Variants in FBXO27 observed in about 807,000 individuals in gnomAD.
FBXO27 encodes the protein F-box protein 27.
Under a neutral mutation model 28.3 loss-of-function variants are expected in FBXO27, and 28 were observed. The ratio of observed to expected loss-of-function variants is 0.99; its 90% CI spans 0.73 to 1.36. The LOEUF is 1.36. Among genes scored for constraint, FBXO27 ranks in the 40% most tolerant of loss-of-function variants. FBXO27 has a pLI of 0.00. For synonymous variants in FBXO27, 175 were observed against 167.3 expected (o/e 1.05, Z -0.36); for missense variants, 388 against 394.1 (o/e 0.98, Z 0.13).
At chr19:39,030,789 G>T in intron 4 of FBXO27, 3 of 531,436 alleles carry the variant, frequency 5.6e-6, no homozygotes, top group South Asian at 2.1e-5. Flanking sequence ...TGTATTTTTA[G>T]TAGAGACGAG....
At chr19:39,019,011 GTGA>G (rs1321344167) in intron 1 of FBXO27, among the ~76,000 whole-genome samples, 1 of 150,316 alleles carries the variant, frequency 6.7e-6, no homozygotes, top group Non-Finnish European at 1.5e-5. Context: ...AGAGGTTGCA[GTGA>G]GCCCAGATCA....
At chr19:39,015,851 G>A (rs1311480565) in intron 1 of FBXO27, among the ~76,000 whole-genome samples, 6 of 151,910 alleles carry the variant, frequency 3.9e-5, no homozygotes, top group East Asian at 1.9e-4. Context: ...CGGGTAGATC[G>A]TTTGAGGTGA....
chr19:39,022,698 C>G (rs548661927), downstream of FBXO27, among the ~76,000 whole-genome samples: 1 of 152,284 alleles, frequency 6.6e-6, no homozygotes, highest in African/African-American at 2.4e-5. Context: ...ATCACTGCAA[C>G]CTCTGCCTCC....
downstream of FBXO27, among the ~76,000 whole-genome samples, chr19:39,021,603 C>T (rs139552862): frequency 0.017 from 2,643 of 152,100 alleles, 29 homozygotes; most frequent in Non-Finnish European, 0.026. Context: ...ATGTTATCAG[C>T]GAGGCTTCTG....
At chr19:39,007,077 AAT>A (rs1325896596) in intron 2 of FBXO27, among the ~76,000 whole-genome samples, 11 of 147,136 alleles carry the variant, frequency 7.5e-5, no homozygotes, top group African/African-American at 2.6e-4. Context: ...AAAAAAAAAA[AAT>A]ACAGAAAAGT....
chr19:39,023,967 T>C (rs1023452131), downstream of FBXO27: 1 of 152,158 alleles, frequency 6.6e-6, no homozygotes, highest in Non-Finnish European at 1.5e-5. Flanking sequence ...GGACTACTTA[T>C]GATTCTCAAC....
chr19:39,005,921 G>A (rs1202330438), intron 2 of FBXO27, among the ~76,000 whole-genome samples: 2 of 152,236 alleles, frequency 1.3e-5, no homozygotes, highest in Non-Finnish European at 2.9e-5. Context: ...ACTTGACAGT[G>A]AAGGTTGGCT....
At chr19:39,005,846 T>G (rs1367201598) in intron 2 of FBXO27, among the ~76,000 whole-genome samples, 2 of 152,190 alleles carry the variant, frequency 1.3e-5, no homozygotes, top group African/African-American at 2.4e-5. Context: ...CAAAGGTTGA[T>G]GAAGAATGGG....
chr19:39,027,664 G>C (rs2072880681), intron 4 of FBXO27, among the ~76,000 whole-genome samples: 4 of 151,872 alleles, frequency 2.6e-5, no homozygotes. Context: ...GGTGGTTTTG[G>C]AAGTCCTCCA....
intron 2 of FBXO27, among the ~76,000 whole-genome samples, chr19:39,007,080 A>AAAAC (rs60009845): frequency 1.6e-4 from 22 of 138,648 alleles, no homozygotes; most frequent in African/African-American, 5.4e-4. Flanking sequence ...AAAAAAAAAT[A>AAAAC]CAGAAAAGTA....
rs955594122 is a variant in FBXO27 at position 39,016,696 on chromosome 19, G to A, written c.92-2149C>T. Among the ~76,000 whole-genome samples the A allele has an allele frequency of 9.9e-5, 15 of 151,278 alleles. No individual in the cohort carries two copies. In the East Asian group the frequency reaches 2.5e-3, roughly 25 times the overall value. Reference sequence around the variant, plus strand: ...GCTACTCAAGAAGCTGAGGTGGGAGGATTGCTTGAGTCTAGGAGGTCAAGG... The same window carrying A: ...GCTACTCAAGAAGCTGAGGTGGGAGAATTGCTTGAGTCTAGGAGGTCAAGG... On this transcript the variant is annotated intron_variant, in intron 1 of 2. Transcript: ENST00000598394.
downstream of FBXO27, among the ~76,000 whole-genome samples, chr19:39,019,410 G>A (rs1317789590): frequency 2.1e-5 from 2 of 95,878 alleles, no homozygotes; most frequent in African/African-American, 4.1e-5. Flanking sequence ...GGGCAACAGA[G>A]TGAGACTCTG....
chr19:39,031,740 C>T, intron 2 of FBXO27, 124 bp downstream of exon 2: 1 of 1,364,080 alleles, frequency 7.3e-7, no homozygotes, highest in South Asian at 1.7e-5. Flanking sequence ...CTCCTCCCAC[C>T]GGTCCCACTG....
chr19:39,010,618 C>T (rs1336501472), intron 2 of FBXO27, among the ~76,000 whole-genome samples: 2 of 152,198 alleles, frequency 1.3e-5, no homozygotes, highest in African/African-American at 2.4e-5. Flanking sequence ...CCGTTGCCAT[C>T]GCAACACCAG....
intron 1 of FBXO27, among the ~76,000 whole-genome samples, chr19:39,017,453 GGAGGCC>G (rs572235751): frequency 2.0e-3 from 305 of 152,204 alleles, no homozygotes; most frequent in Non-Finnish European, 3.6e-3. Flanking sequence ...CAGCACTTTG[GGAGGCC>G]GAGGAGGGTG....
chr19:39,013,640 A>T lies in FBXO27; in HGVS notation c.252+747T>A, dbSNP rs190040083. ...AGGAGACTCCGTCTAAAAAAAAATT[A>T]AAAAAAATAAAAGAAAATAAAAAGA... On this transcript the variant is annotated intron_variant, in intron 2 of 2. Transcript: ENST00000598394. Among the ~76,000 whole-genome samples, 333 of 151,626 alleles carry T rather than the reference A, an allele frequency of 2.2e-3. 1 individual carries two copies. The highest frequency in any genetic ancestry group is 7.5e-3 in the African/African-American group (309 of 41,348).
intron 4 of FBXO27, among the ~76,000 whole-genome samples, chr19:39,027,408 G>A (rs1430490166): frequency 3.3e-5 from 5 of 152,136 alleles, no homozygotes; most frequent in Admixed American, 3.3e-4. Context: ...TGGACACCGA[G>A]GCTCAAGTGA....
intron 2 of FBXO27, among the ~76,000 whole-genome samples, chr19:39,011,852 G>A (rs930357805): frequency 6.9e-6 from 1 of 145,878 alleles, no homozygotes; most frequent in African/African-American, 2.5e-5. Flanking sequence ...TTTTTAGACG[G>A]AGTCTCTTTC....
chr19:39,030,943 G>A (rs1205857740), intron 4 of FBXO27, 86 bp downstream of exon 4: 1 of 1,097,674 alleles, frequency 9.1e-7, no homozygotes, highest in East Asian at 2.3e-5. Flanking sequence ...GGAGGGGTTA[G>A]GAGGCCTAAA....
Sources: gnomAD v4.1 joint callset for allele counts (sites outside exome capture counted in the v4.1 genomes callset) on GRCh38, gnomAD v4.1.1 for gene constraint, MANE v1.5 for transcripts, NCBI Gene and HGNC (gene_info 2026-07-23, HGNC 2026-07-21) for gene names.